The following BEGAIN variants were observed in gnomAD, a reference collection of about 807,000 sequenced individuals.
BEGAIN encodes the protein brain enriched guanylate kinase associated, also known as brain-enriched guanylate kinase-associated protein.
A neutral mutation model predicts 35.8 loss-of-function variants in BEGAIN; 19 were observed. The ratio of observed to expected loss-of-function variants is 0.53; its 90% CI spans 0.37 to 0.78. The LOEUF is 0.78. Ranked by LOEUF, BEGAIN falls within the 30% of genes least tolerant of loss-of-function variation. The probability of loss-of-function intolerance (pLI) is 0.00; values close to 1 mark genes in which losing one functional copy is unlikely to be tolerated. For missense variants in BEGAIN, 795 were observed against 853.6 expected (o/e 0.93, Z 0.85); for synonymous variants, 462 against 388.6 (o/e 1.19, Z -2.22).
chr14:100,553,519 G>C (rs1264825294), intron 2 of BEGAIN, among the ~76,000 whole-genome samples: 2 of 152,134 alleles, frequency 1.3e-5, no homozygotes, highest in East Asian at 3.9e-4. Flanking sequence ...AGGGACAACT[G>C]TCCCATACAG....
At position 100,538,262 on chromosome 14, in the gene BEGAIN, C is replaced by T. The variant is rs766945134; in HGVS notation, c.1546G>A (p.Gly516Ser). ...CGGCCGGGACTGAGGCTCAGGTCGC[C>T]GCCCGCCCGCAGGAAGCAGGGCTCT... ...LAEPCFLRAG[G>S]DLSLSPGRSA... The change falls in exon 7 of 7, where the codon GGC (glycine) becomes AGC (serine). Residue 516 changes from glycine (G) to serine (S), a missense_variant. Physicochemically the swap from Gly to Ser is moderately conservative, Grantham distance 56 (BLOSUM62 0). Transcript: ENST00000554140. 17 of 1,563,236 alleles carry T rather than the reference C, an allele frequency of 1.1e-5. No individual in the cohort carries two copies. The highest frequency in any genetic ancestry group is 2.3e-5 in the South Asian group (2 of 85,422).
chr14:100,556,246 G>A (rs540897808), intron 2 of BEGAIN, among the ~76,000 whole-genome samples: 6 of 152,108 alleles, frequency 3.9e-5, no homozygotes, highest in East Asian at 3.9e-4. Context: ...GGCTGGCCGC[G>A]CCACTGCTCC....
Position 100,563,448 on chromosome 14 carries a change from G to A in BEGAIN, c.71+4463C>T, listed in dbSNP as rs954607379. On this transcript the variant is annotated intron_variant, in intron 2 of 6. Transcript: ENST00000554140. The surrounding 1 kb of genome is among the most constrained non-coding windows in gnomAD (Gnocchi z 4.2). ...TTCATAGAAGGACCGTGTGAACAGC[G>A]AGACGCGGCGTCCCCCAGGAGGTGT... Among the ~76,000 whole-genome samples, 1 of 152,234 alleles carries A rather than the reference G, an allele frequency of 6.6e-6. No homozygotes were observed. The highest frequency in any genetic ancestry group is 1.9e-4 in the East Asian group (1 of 5,198).
intron 2 of BEGAIN, among the ~76,000 whole-genome samples, chr14:100,554,703 A>C (rs2139580420): frequency 6.6e-6 from 1 of 150,832 alleles, no homozygotes; most frequent in South Asian, 2.1e-4. Flanking sequence ...TCCTGTTCTC[A>C]CCCTGGCCCC....
Position 100,559,195 on chromosome 14 carries a change from G to A in BEGAIN, c.71+8716C>T, listed in dbSNP as rs1287615810. The stretch of plus-strand genomic sequence containing the variant: ...GGGCTGTCTCCGAGAGCCAAGGGGA[G>A]CTGCGCGGTGGGCCCAGGAGGCTCC... On this transcript the variant is annotated intron_variant, in intron 2 of 6. Transcript: ENST00000554140. 2.0e-5 allele frequency among the ~76,000 whole-genome samples: 3 copies of A among 152,240 alleles called. No individual in the cohort carries two copies. In the East Asian group the frequency reaches 5.8e-4, roughly 30 times the overall value.
intron 3 of BEGAIN, chr14:100,546,127 C>G (rs1224142798): frequency 5.8e-6 from 1 of 172,856 alleles, no homozygotes; most frequent in Non-Finnish European, 1.3e-5. Context: ...CTTTTCCCAT[C>G]AGGACCCAGG....
At chr14:100,552,993 A>T (rs1315085458) in intron 2 of BEGAIN, among the ~76,000 whole-genome samples, 1 of 152,114 alleles carries the variant, frequency 6.6e-6, no homozygotes, top group South Asian at 2.1e-4. Flanking sequence ...GTGTCTCAGG[A>T]TGAGATGACT....
At chr14:100,551,975 C>G (rs1178378619) in intron 2 of BEGAIN, among the ~76,000 whole-genome samples, 1 of 152,170 alleles carries the variant, frequency 6.6e-6, no homozygotes, top group Admixed American at 6.5e-5. Context: ...GCTGAGCGAA[C>G]AGAAAACAGG....
At chr14:100,585,526 T>C (rs765411288) in intron 1 of BEGAIN, among the ~76,000 whole-genome samples, 4 of 150,534 alleles carry the variant, frequency 2.7e-5, no homozygotes, top group Non-Finnish European at 5.9e-5. Context: ...TTCAAAGTGT[T>C]GCCGTGGAGA....
chr14:100,539,655 G>A (rs548862249), intron 6 of BEGAIN, among the ~76,000 whole-genome samples: 131 of 109,202 alleles, frequency 1.2e-3, no homozygotes, highest in African/African-American at 4.3e-3. Flanking sequence ...TCCACCCCCC[G>A]CCACCCCCAC....
At position 100,567,699 on chromosome 14, in the gene BEGAIN, CG is replaced by C. The variant is rs1005982806; in HGVS notation, c.71+211del. Among the ~76,000 whole-genome samples, 23 of 151,314 alleles carry C rather than the reference CG, an allele frequency of 1.5e-4. No individual in the cohort carries two copies. The highest frequency in any genetic ancestry group is 3.4e-4 in the Non-Finnish European group (23 of 67,760). On this transcript the variant is annotated intron_variant, in intron 2 of 6. Transcript: ENST00000554140. This position sits in a 1 kb window ranked among gnomAD's most constrained non-coding sequence, Gnocchi z 5.1. ...AGCCCCAGCCCCCGCCGCAGCGGCCCGGGCCGGCGGAGGAGCCCCGCGCGAG... is the reference window on the plus strand; with the variant it reads ...AGCCCCAGCCCCCGCCGCAGCGGCCCGGCCGGCGGAGGAGCCCCGCGCGAG...
At position 100,580,324 on chromosome 14, in the gene BEGAIN, G is replaced by GA. The variant is rs1004593856; in HGVS notation, c.42+6924dup. Among the ~76,000 whole-genome samples the GA allele has an allele frequency of 1.7e-4, 26 of 152,076 alleles. 2 individuals are homozygous for GA. Among genetic ancestry groups the GA allele is most frequent in the Admixed American group, 4.6e-4 (7 of 15,270 alleles). The stretch of plus-strand genomic sequence containing the variant: ...TCTAAAAAATAAACACATAAATAAA[G>GA]AAAAAATAAATAAAATCACAGGCCA... On this transcript the variant is annotated intron_variant, in intron 1 of 6. Transcript: ENST00000554140.
At chr14:100,545,454 G>A in intron 3 of BEGAIN, 1 of 1,040,074 alleles carries the variant, frequency 9.6e-7, no homozygotes, top group Non-Finnish European at 1.2e-6. Context: ...GAGCAGGGAA[G>A]AAACTTAACA....
At chr14:100,572,573 C>T (rs897215241) in intron 1 of BEGAIN, among the ~76,000 whole-genome samples, 1 of 152,182 alleles carries the variant, frequency 6.6e-6, no homozygotes, top group African/African-American at 2.4e-5. Flanking sequence ...TCTTGTTGCC[C>T]TTACCCCTCC....
In BEGAIN at chr14:100,543,918, A is replaced by C. The variant is rs116804977; in HGVS notation, c.348T>G (p.Val116=). The C allele has an allele frequency of 8.6e-4, 1,382 of 1,613,570 alleles. 7 individuals carry two copies. The African/African-American group carries it at 0.015, about 18-fold the overall frequency. ...EEKRALSHEI[V]ALNSHLLEAK... is the part of the protein sequence containing the mutation. ...CTTCTAGCAGATGGCTGTTGAGGGC[A>C]ACAATCTCGTGGCTCAGCGCACGCT... is the stretch of plus-strand genomic sequence containing the variant. The change falls in exon 5 of 7, where the codon GTT becomes GTG. Residue 116 remains valine (V), a synonymous_variant. Coordinates refer to ENST00000554140, the MANE Select transcript of BEGAIN (RefSeq NM_001385089.1).
chr14:100,580,786 T>G (rs1456904865), intron 1 of BEGAIN, among the ~76,000 whole-genome samples: 14 of 152,216 alleles, frequency 9.2e-5, no homozygotes, highest in Non-Finnish European at 4.4e-5. Context: ...ACATAGCAGG[T>G]GCTCAATGCG....
Position 100,538,313 on chromosome 14 carries a change from C to T in BEGAIN, c.1495G>A (p.Asp499Asn). 6.5e-7 allele frequency: 1 copy of T among 1,527,406 alleles called. No individual in the cohort carries two copies. Among genetic ancestry groups the T allele is most frequent in the East Asian group, 2.3e-5 (1 of 43,146 alleles). 94.6% of individuals were successfully genotyped at this position (1,527,406 alleles called of 1,614,324 possible). ...SYKADSFSEGDDLSQGHLAEP... is the reference protein window; with the variant it reads ...SYKADSFSEGNDLSQGHLAEP... Reference sequence around the variant, plus strand: ...GCCAGGTGGCCCTGGGAGAGGTCGTCCCCCTCGGAGAAGCTGTCGGCCTTG... The same window carrying T: ...GCCAGGTGGCCCTGGGAGAGGTCGTTCCCCTCGGAGAAGCTGTCGGCCTTG... The change falls in exon 7 of 7, where the codon GAC becomes AAC. Residue 499 changes from aspartate (D) to asparagine (N), a missense_variant. Asp to Asn is a conservative substitution (Grantham distance 23). Around this residue, in one of 3 missense-constraint regions of BEGAIN, gnomAD observed 664 missense variants for 647.7 expected, o/e 1.03. Transcript: ENST00000554140.
rs1331968653 is a variant in BEGAIN, at chr14:100,568,962, G to A, written c.43-1023C>T. 2.0e-6 allele frequency: 2 copies of A among 983,348 alleles called. No homozygotes were observed. Among genetic ancestry groups the A allele is most frequent in the East Asian group, 2.3e-4 (2 of 8,734 alleles). 60.9% of individuals were successfully genotyped at this position (983,348 alleles called of 1,614,324 possible). On this transcript the variant is annotated intron_variant, in intron 1 of 6. Transcript: ENST00000554140. The surrounding 1 kb of genome is among the most constrained non-coding windows in gnomAD (Gnocchi z 7.5). ...CCGGGCGCCGCCGCCGCGTCCGCCG[G>A]GAGCGCGCTCCGCTCGGGTCCGGGC...
At chr14:100,574,076 G>T (rs1159606235) in intron 1 of BEGAIN, among the ~76,000 whole-genome samples, 1 of 152,186 alleles carries the variant, frequency 6.6e-6, no homozygotes. Context: ...AGCCGCCTGG[G>T]CCTCGTGAAC....
Sources: gnomAD v4.1 joint callset for allele counts (sites outside exome capture counted in the v4.1 genomes callset) on GRCh38, gnomAD v4.1.1 for gene constraint, gnomAD v4.1.1 regional missense constraint, Gnocchi (gnomAD v3.1) non-coding constraint, MANE v1.5 for transcripts, NCBI Gene and HGNC (gene_info 2026-07-23, HGNC 2026-07-21) for gene names.